Variants in NRXN1 observed in about 807,000 individuals in gnomAD.
The protein encoded by NRXN1 is neurexin-1.
NRXN1 carries 39 observed loss-of-function variants against 150.9 expected under a neutral mutation model. The ratio of observed to expected loss-of-function variants is 0.26; its 90% CI spans 0.20 to 0.34. The LOEUF is 0.34. Among genes scored for constraint, NRXN1 ranks in the 10% least tolerant of loss-of-function variants. The pLI, the probability that NRXN1 is intolerant of heterozygous loss-of-function variation, is 1.00. For missense variants in NRXN1, 1,815 were observed against 1,949.9 expected (o/e 0.93, Z 1.30); for synonymous variants, 924 against 757.0 (o/e 1.22, Z -3.62).
chr2:50,634,189 G>T (rs143990171), intron 5 of NRXN1, among the ~76,000 whole-genome samples: 1,721 of 152,278 alleles, frequency 0.011, 30 homozygotes, highest in Non-Finnish European at 0.015. Context: ...TTAGGGGAAT[G>T]ACATGGTTTG....
intron 21 of NRXN1, among the ~76,000 whole-genome samples, chr2:50,036,166 G>C (rs1231478044): frequency 1.3e-5 from 2 of 152,112 alleles, no homozygotes; most frequent in Non-Finnish European, 2.9e-5. Context: ...AAGAGACCAG[G>C]CGGAGGTAAC....
chr2:50,291,630 C>T (rs1424530086), intron 17 of NRXN1, among the ~76,000 whole-genome samples: 1 of 152,084 alleles, frequency 6.6e-6, no homozygotes, highest in Non-Finnish European at 1.5e-5. Context: ...CGAAGCCTGC[C>T]GAATTTTCAG....
intron 8 of NRXN1, among the ~76,000 whole-genome samples, chr2:50,602,910 G>A (rs727210): frequency 3.3e-5 from 5 of 152,128 alleles, no homozygotes; most frequent in Non-Finnish European, 5.9e-5. Context: ...TCCAGCCCTG[G>A]GGCCAGCAGA....
At chr2:50,151,933 G>T (rs967129441) in intron 18 of NRXN1, among the ~76,000 whole-genome samples, 5 of 151,748 alleles carry the variant, frequency 3.3e-5, no homozygotes, top group Admixed American at 2.6e-4. Context: ...TAGAGAAAAT[G>T]ATTACCAATA....
intron 10 of NRXN1, among the ~76,000 whole-genome samples, chr2:50,532,755 G>T (rs1008723348): frequency 2.6e-5 from 4 of 151,596 alleles, no homozygotes; most frequent in Admixed American, 6.6e-5. Flanking sequence ...AACACACAAA[G>T]AAATGAATAA....
intron 2 of NRXN1, among the ~76,000 whole-genome samples, chr2:51,012,337 AAG>A (rs1007490450): frequency 6.6e-6 from 1 of 152,064 alleles, no homozygotes; most frequent in African/African-American, 2.4e-5. Flanking sequence ...TGACTTAATT[AAG>A]AGTGTGAAGC....
intron 21 of NRXN1, among the ~76,000 whole-genome samples, chr2:50,019,782 T>TA (rs1213481913): frequency 6.7e-6 from 1 of 148,204 alleles, no homozygotes; most frequent in African/African-American, 2.5e-5. Context: ...CCGTCTCTAC[T>TA]AAAAAAATAC....
rs1355930791 is a variant in NRXN1 at position 50,346,330 on chromosome 2, C to A, written c.3365-109360G>T. The stretch of plus-strand genomic sequence containing the variant: ...GCCCTCTTCTCTCTGGTGCTCAGGT[C>A]CCTTAGCTGAGCGCGGCGCCCCATC... On this transcript the variant is annotated intron_variant, in intron 17 of 22. Coordinates refer to ENST00000401669, the MANE Select transcript of NRXN1 (RefSeq NM_001330078.2). This position sits in a 1 kb window ranked among gnomAD's most constrained non-coding sequence, Gnocchi z 5.0. Among the ~76,000 whole-genome samples the A allele has an allele frequency of 1.3e-5, 2 of 152,180 alleles. No individual in the cohort carries two copies. Among genetic ancestry groups the A allele is most frequent in the African/African-American group, 4.8e-5 (2 of 41,462 alleles).
At chr2:50,972,916 A>G (rs1695245724) in intron 2 of NRXN1, among the ~76,000 whole-genome samples, 1 of 152,218 alleles carries the variant, frequency 6.6e-6, no homozygotes, top group African/African-American at 2.4e-5. Context: ...ATCAACTGCC[A>G]TCTGCCTTCT....
rs1230188758 is a variant in NRXN1, at chr2:50,347,616, A to T, written c.3365-110646T>A. 3 of 1,005,670 alleles carry T rather than the reference A, an allele frequency of 3.0e-6. No homozygotes were observed. The African/African-American group carries it at 5.2e-5, about 18-fold the overall frequency. 62.3% of individuals were successfully genotyped at this position (1,005,670 alleles called of 1,614,324 possible). ...CCGCGTCCGCCGCCTCCTGACACTT[A>T]CGCCCGGCGAGGGGTTCAGAGGGAA... On this transcript the variant is annotated intron_variant, in intron 17 of 22. Transcript: ENST00000401669. The surrounding 1 kb of genome is among the most constrained non-coding windows in gnomAD (Gnocchi z 4.9).
At chr2:50,439,732 G>A (rs1457406977) in intron 17 of NRXN1, among the ~76,000 whole-genome samples, 1 of 151,668 alleles carries the variant, frequency 6.6e-6, no homozygotes, top group African/African-American at 2.4e-5. Flanking sequence ...CAGGAGAATG[G>A]CGTGAACCTG....
intron 19 of NRXN1, among the ~76,000 whole-genome samples, chr2:50,084,389 C>T (rs6721774): frequency 0.32 from 48,792 of 152,058 alleles, 8,262 homozygotes; most frequent in Non-Finnish European, 0.37. Flanking sequence ...AGAAATCGAG[C>T]GCAGTGCCGG....
chr2:50,630,646 T>G (rs72885636), intron 5 of NRXN1, among the ~76,000 whole-genome samples: 5,528 of 151,904 alleles, frequency 0.036, 330 homozygotes, highest in African/African-American at 0.13. Context: ...TTATTATTCT[T>G]GATTATATTG....
At chr2:50,878,685 C>T (rs1363473734) in intron 5 of NRXN1, among the ~76,000 whole-genome samples, 2 of 151,846 alleles carry the variant, frequency 1.3e-5, no homozygotes, top group African/African-American at 4.8e-5. Context: ...TTATGCCAAC[C>T]ACAGAATACA....
intron 5 of NRXN1, among the ~76,000 whole-genome samples, chr2:50,769,295 G>C (rs1208496823): frequency 6.6e-6 from 1 of 151,996 alleles, no homozygotes; most frequent in African/African-American, 2.4e-5. Flanking sequence ...TAGCATCACA[G>C]ATGGGTTATC....
intron 8 of NRXN1, among the ~76,000 whole-genome samples, chr2:50,578,023 G>C (rs993249045): frequency 2.0e-5 from 3 of 152,042 alleles, no homozygotes; most frequent in South Asian, 4.1e-4. Flanking sequence ...ATTTAGCAAA[G>C]AAAGAATAGT....
intron 15 of NRXN1, among the ~76,000 whole-genome samples, chr2:50,488,338 A>T (rs774121805): frequency 2.6e-5 from 4 of 152,220 alleles, no homozygotes; most frequent in Non-Finnish European, 5.9e-5. Flanking sequence ...TTGGCACTAG[A>T]ACTGCTAAAC....
chr2:50,981,075 G>A (rs1696707510), intron 2 of NRXN1, among the ~76,000 whole-genome samples: 1 of 152,028 alleles, frequency 6.6e-6, no homozygotes, highest in East Asian at 1.9e-4. Context: ...CACCTATAAT[G>A]TAAGGTCCAA....
intron 19 of NRXN1, among the ~76,000 whole-genome samples, chr2:50,090,750 T>C (rs915640919): frequency 5.3e-5 from 8 of 152,142 alleles, no homozygotes; most frequent in African/African-American, 1.9e-4. Flanking sequence ...AGAATCCTCA[T>C]GAAACTCTAT....
Sources: gnomAD v4.1 joint callset for allele counts (sites outside exome capture counted in the v4.1 genomes callset) on GRCh38, gnomAD v4.1.1 for gene constraint, Gnocchi (gnomAD v3.1) non-coding constraint, MANE v1.5 for transcripts, NCBI Gene and HGNC (gene_info 2026-07-23, HGNC 2026-07-21) for gene names.